The following ACVR2A variants were observed in gnomAD, a reference collection of about 807,000 sequenced individuals.
ACVR2A encodes the protein activin A receptor type 2A.
Under a neutral mutation model 61.4 loss-of-function variants are expected in ACVR2A, and 7 were observed. The ratio of observed to expected loss-of-function variants is 0.11; its 90% CI spans 0.06 to 0.21. ACVR2A has a LOEUF of 0.21. Among genes scored for constraint, ACVR2A ranks in the 10% least tolerant of loss-of-function variants. ACVR2A has a pLI of 1.00. For synonymous variants in ACVR2A, 193 were observed against 208.3 expected (o/e 0.93, Z 0.63); for missense variants, 322 against 621.7 (o/e 0.52, Z 5.13).
chr2:147,913,748 C>T (rs1573704993), intron 4 of ACVR2A, among the ~76,000 whole-genome samples: 1 of 147,892 alleles, frequency 6.8e-6, no homozygotes, highest in Non-Finnish European at 1.5e-5. Context: ...TATCTGACCT[C>T]CTTGACCCGT....
intron 1 of ACVR2A, among the ~76,000 whole-genome samples, chr2:147,885,227 C>T (rs1484223573): frequency 1.3e-5 from 2 of 151,930 alleles, no homozygotes; most frequent in African/African-American, 4.8e-5. Context: ...AAAAAAATTT[C>T]TAAAAAAAAG....
chr2:147,870,728 A>AT (rs1367821796), intron 1 of ACVR2A, among the ~76,000 whole-genome samples: 16 of 151,710 alleles, frequency 1.1e-4, no homozygotes, highest in Non-Finnish European at 1.0e-4. Flanking sequence ...AGACAACCCC[A>AT]TTTTTCCTTC....
chr2:147,913,233 A>C (rs777211725), intron 4 of ACVR2A, among the ~76,000 whole-genome samples: 1 of 151,872 alleles, frequency 6.6e-6, no homozygotes, highest in African/African-American at 2.4e-5. Context: ...CATGTTGTTG[A>C]TGTCCTTTAG....
chr2:147,907,264 A>C (rs559638532), intron 4 of ACVR2A, among the ~76,000 whole-genome samples: 3 of 152,162 alleles, frequency 2.0e-5, no homozygotes, highest in South Asian at 2.1e-4. Context: ...GGTTGGTTCC[A>C]TGTCTTTGCT....
At chr2:147,871,956 G>T in intron 1 of ACVR2A, among the ~76,000 whole-genome samples, 1 of 152,048 alleles carries the variant, frequency 6.6e-6, no homozygotes, top group Non-Finnish European at 1.5e-5. Context: ...AAAATAATTT[G>T]TTGAATGCCT....
chr2:147,917,225 C>G (rs554696330), intron 5 of ACVR2A, 58 bp from the exon 6 acceptor site: 1 of 1,530,620 alleles, frequency 6.5e-7, no homozygotes, highest in African/African-American at 1.4e-5. Context: ...ATCTCTTATG[C>G]ATGGTTTATT....
intron 1 of ACVR2A, among the ~76,000 whole-genome samples, chr2:147,882,952 A>G (rs1171800570): frequency 6.6e-6 from 1 of 152,184 alleles, no homozygotes; most frequent in Non-Finnish European, 1.5e-5. Context: ...TGGCCAATGC[A>G]GAAATTTTAT....
intron 4 of ACVR2A, among the ~76,000 whole-genome samples, chr2:147,911,410 T>A (rs746237324): frequency 6.6e-6 from 1 of 152,092 alleles, no homozygotes; most frequent in Non-Finnish European, 1.5e-5. Flanking sequence ...AAACTTTGGA[T>A]CATTGCCAAC....
rs1312481237 is a variant in ACVR2A, at chr2:147,927,367, T to C, written c.*93T>C. On this transcript the variant is annotated 3_prime_UTR_variant, in exon 11 of 11. Transcript: ENST00000241416. ...CTTACAGTTTATTTTCTGTGTAAAA[T>C]GAGTAGGATGTCTCTTGGAAATGTT... 8.4e-7 allele frequency: 1 copy of C among 1,190,610 alleles called. No individual in the cohort carries two copies. The highest frequency in any genetic ancestry group is 2.6e-5 in the East Asian group (1 of 38,838). 73.8% of individuals were successfully genotyped at this position (1,190,610 alleles called of 1,614,324 possible).
At chr2:147,925,851 C>A in intron 9 of ACVR2A, 180 bp from the exon 10 acceptor site, 1 of 534,958 alleles carries the variant, frequency 1.9e-6, no homozygotes, top group South Asian at 3.8e-5. Context: ...TTTCATTTCC[C>A]ATACATTAGT....
chr2:147,910,118 C>G (rs1018097959), intron 4 of ACVR2A, among the ~76,000 whole-genome samples: 2 of 150,746 alleles, frequency 1.3e-5, no homozygotes, highest in South Asian at 4.3e-4. Context: ...TTTTTTGTTC[C>G]GTTTTTACCC....
intron 1 of ACVR2A, among the ~76,000 whole-genome samples, chr2:147,846,356 GGTA>G (rs1685313509): frequency 6.6e-6 from 1 of 151,322 alleles, no homozygotes; most frequent in Non-Finnish European, 1.5e-5. Flanking sequence ...ATTAAAGGGT[GGTA>G]GTCTTCTTTG....
At chr2:147,871,618 A>G (rs914008156) in intron 1 of ACVR2A, among the ~76,000 whole-genome samples, 2 of 152,148 alleles carry the variant, frequency 1.3e-5, no homozygotes, top group African/African-American at 4.8e-5. Flanking sequence ...CTAGCAAGCA[A>G]AAGTGTAGAA....
rs577477875 is a variant in ACVR2A, at chr2:147,845,325, C to T, written c.55+118C>T. 5.4e-5 allele frequency: 37 copies of T among 680,546 alleles called. No homozygotes were observed. In the East Asian group the frequency reaches 1.4e-3, roughly 26 times the overall value. The allele number at this position is 680,546 out of a possible 1,614,324, so 42.2% of individuals were successfully genotyped here. On this transcript the variant is annotated intron_variant, in intron 1 of 10. Transcript: ENST00000241416. ...GTGGAGCCTGGGGAGGTTGCCCACTCCCTGCGCCCCTCGGCTGCCACCGCC... is the reference window on the plus strand; with the variant it reads ...GTGGAGCCTGGGGAGGTTGCCCACTTCCTGCGCCCCTCGGCTGCCACCGCC...
intron 1 of ACVR2A, among the ~76,000 whole-genome samples, chr2:147,873,729 A>T (rs572667486): frequency 3.2e-4 from 49 of 152,126 alleles, no homozygotes; most frequent in Non-Finnish European, 5.7e-4. Flanking sequence ...AATGGCAGAG[A>T]TTCAATAGAA....
intron 1 of ACVR2A, among the ~76,000 whole-genome samples, chr2:147,884,740 G>A (rs1686387757): frequency 6.6e-6 from 1 of 152,132 alleles, no homozygotes. Flanking sequence ...ATTTGACAAT[G>A]CATTTGATAC....
intron 1 of ACVR2A, among the ~76,000 whole-genome samples, chr2:147,848,657 A>G (rs1310076894): frequency 6.6e-6 from 1 of 152,150 alleles, no homozygotes; most frequent in Non-Finnish European, 1.5e-5. Flanking sequence ...GGGTCTACTC[A>G]AGGATGGAGG....
At chr2:147,871,452 G>A (rs1234784365) in intron 1 of ACVR2A, among the ~76,000 whole-genome samples, 2 of 151,992 alleles carry the variant, frequency 1.3e-5, no homozygotes, top group Non-Finnish European at 2.9e-5. Flanking sequence ...TTAGGTCATG[G>A]TTTTATTCAA....
intron 1 of ACVR2A, among the ~76,000 whole-genome samples, chr2:147,846,543 G>C (rs1685318106): frequency 1.3e-5 from 2 of 152,162 alleles, no homozygotes; most frequent in South Asian, 2.1e-4. Flanking sequence ...GATCAGTTCC[G>C]GGTGGGCTGA....
Sources: allele counts gnomAD v4.1 joint callset (sites outside exome capture counted in the v4.1 genomes callset), GRCh38; gene constraint gnomAD v4.1.1; transcripts MANE v1.5; gene names NCBI Gene and HGNC (gene_info 2026-07-23, HGNC 2026-07-21).